The following BEND7 variants were observed in gnomAD, a reference collection of about 807,000 sequenced individuals.
The protein encoded by BEND7 is BEN domain containing 7, also known as BEN domain-containing protein 7.
Under a neutral mutation model 50.9 loss-of-function variants are expected in BEND7, and 28 were observed. That is an observed-to-expected ratio of 0.55 (90% CI 0.41 to 0.75). The LOEUF (loss-of-function observed/expected upper bound fraction) is 0.75, where lower values mean the gene tolerates loss of function less well. Among genes scored for constraint, BEND7 ranks in the 30% least tolerant of loss-of-function variants. The pLI is 0.00. For missense variants in BEND7, 477 were observed against 491.3 expected, an observed-to-expected ratio of 0.97 and a Z score of 0.28; for synonymous variants, 170 against 183.9, an observed-to-expected ratio of 0.92 and a Z score of 0.61.
intron 2 of BEND7, among the ~76,000 whole-genome samples, chr10:13,518,311 C>A (rs939451921): frequency 1.3e-5 from 2 of 149,222 alleles, no homozygotes; most frequent in Non-Finnish European, 3.0e-5. Flanking sequence ...GCATGTCAGC[C>A]CCACTGGCCC....
At chr10:13,480,729 C>T (rs2075795525) in intron 6 of BEND7, 170 bp downstream of exon 6, 17 of 985,222 alleles carry the variant, frequency 1.7e-5, no homozygotes, top group Middle Eastern at 1.0e-3. Context: ...TCTAGTGGTA[C>T]TTGGGGTGGT....
At chr10:13,448,207 CCTT>C (rs1395699318) in intron 7 of BEND7, among the ~76,000 whole-genome samples, 1 of 152,184 alleles carries the variant, frequency 6.6e-6, no homozygotes, top group Non-Finnish European at 1.5e-5. Flanking sequence ...TCACAAAAAA[CCTT>C]CTGTTACATG....
intron 2 of BEND7, among the ~76,000 whole-genome samples, chr10:13,519,389 T>C (rs1280942869): frequency 6.6e-6 from 1 of 151,024 alleles, no homozygotes; most frequent in Non-Finnish European, 1.5e-5. Flanking sequence ...GGCAGGAGAA[T>C]GGCGTGAACC....
At chr10:13,464,791 C>T (rs998063456) in intron 6 of BEND7, among the ~76,000 whole-genome samples, 4 of 152,208 alleles carry the variant, frequency 2.6e-5, no homozygotes, top group African/African-American at 9.6e-5. Flanking sequence ...TCTCCTAGGG[C>T]TATGCCACAG....
chr10:13,471,512 A>G (rs1252032280), intron 6 of BEND7, among the ~76,000 whole-genome samples: 2 of 152,258 alleles, frequency 1.3e-5, no homozygotes, highest in Non-Finnish European at 2.9e-5. Flanking sequence ...GTTGTAAGGA[A>G]AATGAAATGG....
Position 13,528,575 on chromosome 10 carries a change from AGCGGCGGCAGCGGCAGCGGCG to A in BEND7, c.-63_-43del, listed in dbSNP as rs2079567977. ...CGGCGGGGGCTGAGGAGGCGGCGGC[AGCGGCGGCAGCGGCAGCGGCG>A]GCAGCGGCAGCGGCGGCGCGGGCTC... On this transcript the variant is annotated 5_prime_UTR_variant, in exon 1 of 9. Transcript: ENST00000466271. 1 of 21,588 alleles carries A rather than the reference AGCGGCGGCAGCGGCAGCGGCG, an allele frequency of 4.6e-5. No homozygotes were observed. The highest frequency in any genetic ancestry group is 5.1e-5 in the Non-Finnish European group (1 of 19,546). 1.3% of individuals were successfully genotyped at this position (21,588 alleles called of 1,614,324 possible).
At chr10:13,508,834 T>C (rs1384524066) in intron 2 of BEND7, among the ~76,000 whole-genome samples, 1 of 152,174 alleles carries the variant, frequency 6.6e-6, no homozygotes, top group South Asian at 2.1e-4. Context: ...CAAAAGAGTG[T>C]GTACACAGCT....
At chr10:13,474,210 G>A (rs771955085) in intron 6 of BEND7, among the ~76,000 whole-genome samples, 7 of 151,596 alleles carry the variant, frequency 4.6e-5, no homozygotes, top group South Asian at 4.2e-4. Context: ...TGTTAGACTC[G>A]GGGCCGACAT....
At chr10:13,448,582 C>T (rs1836954053) in intron 7 of BEND7, among the ~76,000 whole-genome samples, 2 of 152,164 alleles carry the variant, frequency 1.3e-5, no homozygotes, top group Non-Finnish European at 2.9e-5. Context: ...ACATCTTGTC[C>T]TCAGATGGAC....
chr10:13,455,856 C>A (rs1225128110), intron 6 of BEND7, among the ~76,000 whole-genome samples: 1 of 152,064 alleles, frequency 6.6e-6, no homozygotes, highest in Non-Finnish European at 1.5e-5. Context: ...GGTGTGGAAT[C>A]ATCTCTGAGA....
At position 13,503,756 on chromosome 10, in the gene BEND7, C is replaced by T. The variant is rs560245531; in HGVS notation, c.146-3676G>A. On this transcript the variant is annotated intron_variant, in intron 2 of 8. Transcript: ENST00000466271. ...ACAAACAACAACTAAAAGGATGGAACACAGAAAACTGCAGTAACTGCAGAA... is the reference window on the plus strand; with the variant it reads ...ACAAACAACAACTAAAAGGATGGAATACAGAAAACTGCAGTAACTGCAGAA... Among the ~76,000 whole-genome samples the T allele has an allele frequency of 6.6e-4, 100 of 151,466 alleles. 3 individuals are homozygous for T. The South Asian group carries it at 0.021, about 31-fold the overall frequency.
chr10:13,456,652 G>C (rs544920504), intron 6 of BEND7, among the ~76,000 whole-genome samples: 4 of 152,134 alleles, frequency 2.6e-5, no homozygotes, highest in Admixed American at 6.5e-5. Context: ...CTGGGGCTGC[G>C]CATGCTTTGA....
rs1836607220 is a variant in BEND7, at chr10:13,447,407, A to G, written c.1184-91T>C. On this transcript the variant is annotated intron_variant, in intron 7 of 8. Transcript: ENST00000466271. The stretch of plus-strand genomic sequence containing the variant: ...ATAGTGATGTAATTTTAAAAACTCC[A>G]GTATACATAACTGTTTTCACCATTC... 4.6e-6 allele frequency: 6 copies of G among 1,297,064 alleles called. No homozygotes were observed. In the Admixed American group the frequency reaches 8.9e-5, roughly 19 times the overall value. The allele number at this position is 1,297,064 out of a possible 1,614,324, so 80.3% of individuals were successfully genotyped here.
intron 6 of BEND7, among the ~76,000 whole-genome samples, chr10:13,453,264 A>G (rs1216506920): frequency 6.6e-6 from 1 of 152,180 alleles, no homozygotes; most frequent in Non-Finnish European, 1.5e-5. Context: ...AGGCGGGACA[A>G]TGATCGTGGG....
intron 6 of BEND7, among the ~76,000 whole-genome samples, chr10:13,453,944 C>T (rs1208532183): frequency 6.6e-6 from 1 of 152,282 alleles, no homozygotes; most frequent in Admixed American, 6.5e-5. Flanking sequence ...AAGAGAAAAG[C>T]GGCTATATGT....
Position 13,441,664 on chromosome 10 carries a change from A to G in BEND7, c.*79T>C. The G allele has an allele frequency of 6.2e-7, 1 of 1,607,800 alleles. No homozygotes were observed. The highest frequency in any genetic ancestry group is 8.5e-7 in the Non-Finnish European group (1 of 1,177,822). On this transcript the variant is annotated 3_prime_UTR_variant, in exon 9 of 9. Transcript: ENST00000466271. ...AATCTTCTCCCTTCCCTTGGGTAGT[A>G]GCTCCTTGTGGGAGGCAGAGGACGG...
chr10:13,443,828 T>C (rs1835726416), intron 8 of BEND7: 2 of 152,216 alleles, frequency 1.3e-5, no homozygotes, highest in Admixed American at 1.3e-4. Context: ...ACATATTTGA[T>C]CTCCACTGTA....
chr10:13,514,190 T>A (rs1195303885), intron 2 of BEND7, among the ~76,000 whole-genome samples: 2 of 152,160 alleles, frequency 1.3e-5, no homozygotes, highest in African/African-American at 4.8e-5. Flanking sequence ...CACAACCTAG[T>A]GGGTTCTACA....
At chr10:13,470,305 A>G (rs1244116590) in intron 6 of BEND7, among the ~76,000 whole-genome samples, 3 of 152,226 alleles carry the variant, frequency 2.0e-5, no homozygotes, top group African/African-American at 7.2e-5. Context: ...CAATAAATAT[A>G]CAAATCGACA....
Sources: gnomAD v4.1 joint callset for allele counts (sites outside exome capture counted in the v4.1 genomes callset) on GRCh38, gnomAD v4.1.1 for gene constraint, MANE v1.5 for transcripts, NCBI Gene and HGNC (gene_info 2026-07-23, HGNC 2026-07-21) for gene names.